RTL10: variants seen among roughly 807,000 people sequenced by gnomAD.
The protein encoded by RTL10 is protein Bop.
For missense variants in RTL10, 477 were observed against 470.7 expected (o/e 1.01, Z -0.12); for synonymous variants, 199 against 188.4 (o/e 1.06, Z -0.46).
chr22:19,847,331 A>G lies in RTL10; in HGVS notation c.*3836T>C. 2.0e-6 allele frequency: 2 copies of G among 985,468 alleles called. No individual in the cohort carries two copies. The highest frequency in any genetic ancestry group is 2.4e-6 in the Non-Finnish European group (2 of 829,926). The allele number at this position is 985,468 out of a possible 1,614,324, so 61.0% of individuals were successfully genotyped here. A position where few individuals can be genotyped will look rare whatever the true frequency, so the allele number is the denominator to read the frequency against. ...TCTGGCTCATGCTGACTGATCCTGC[A>G]GGGTAACAGCTTTATTTGCCTTGCT... On this transcript the variant is annotated 3_prime_UTR_variant, in exon 3 of 3. Coordinates refer to ENST00000328554, the MANE Select transcript of RTL10 (RefSeq NM_024627.6).
Position 19,851,443 on chromosome 22 carries a change from C to T in RTL10, c.819G>A (p.Leu273=). The T allele has an allele frequency of 1.9e-6, 3 of 1,614,052 alleles. No homozygotes were observed. The highest frequency in any genetic ancestry group is 2.5e-6 in the Non-Finnish European group (3 of 1,179,998). The change falls in exon 3 of 3, where the codon CTG becomes CTA. Residue 273 remains leucine (L), a synonymous_variant. Transcript: ENST00000328554. ...GCTTGGAGCTACATGTAGAACTGGG[C>T]AGGACTGGGGGCTCCTTGGGCCCAG... ...STPGPKEPPV[L]PSSTCSSKPG...
rs1004566563 is a variant in RTL10, at chr22:19,850,564, G to C, written c.*603C>G. The C allele has an allele frequency of 1.1e-5, 13 of 1,131,896 alleles. No homozygotes were observed. The African/African-American group carries it at 2.1e-4, about 18-fold the overall frequency. The allele number at this position is 1,131,896 out of a possible 1,614,324, so 70.1% of individuals were successfully genotyped here. Reference sequence around the variant, plus strand: ...TGCATCCAAACCTTCCAGCTGCCCAGAACTGCTGGTAATCCCACAGGAAAC... The same window carrying C: ...TGCATCCAAACCTTCCAGCTGCCCACAACTGCTGGTAATCCCACAGGAAAC... On this transcript the variant is annotated 3_prime_UTR_variant, in exon 3 of 3. Transcript: ENST00000328554.
In RTL10 at chr22:19,848,624, G is replaced by C. The variant is rs984017684; in HGVS notation, c.*2543C>G. On this transcript the variant is annotated 3_prime_UTR_variant, in exon 3 of 3. Coordinates refer to ENST00000328554, the MANE Select transcript of RTL10 (RefSeq NM_024627.6). Reference sequence around the variant, plus strand: ...AGAGCCCAACCACAATAAACAGGACGCGTTTTAATTAAAAACCAGGTCACC... The same window carrying C: ...AGAGCCCAACCACAATAAACAGGACCCGTTTTAATTAAAAACCAGGTCACC... 1 of 985,450 alleles carries C rather than the reference G, an allele frequency of 1.0e-6. No homozygotes were observed. The highest frequency in any genetic ancestry group is 1.2e-6 in the Non-Finnish European group (1 of 829,982). The allele number at this position is 985,450 out of a possible 1,614,324, so 61.0% of individuals were successfully genotyped here.
rs1938016072 is a variant in RTL10 at position 19,848,386 on chromosome 22, CA to C, written c.*2780del. The C allele has an allele frequency of 2.0e-6, 2 of 985,464 alleles. No individual in the cohort carries two copies. Among genetic ancestry groups the C allele is most frequent in the Non-Finnish European group, 2.4e-6 (2 of 829,958 alleles). The allele number at this position is 985,464 out of a possible 1,614,324, so 61.0% of individuals were successfully genotyped here. ...TGGGGGCCAGAAGAGAAAAACAACCCAGGGGGAATGCCTCCTTCCCCCAGCA... is the reference window on the plus strand; with the variant it reads ...TGGGGGCCAGAAGAGAAAAACAACCCGGGGGAATGCCTCCTTCCCCCAGCA... On this transcript the variant is annotated 3_prime_UTR_variant, in exon 3 of 3. Transcript: ENST00000328554.
At position 19,851,081 on chromosome 22, in the gene RTL10, T is replaced by G. The variant is rs566227636; in HGVS notation, c.*86A>C. The stretch of plus-strand genomic sequence containing the variant: ...GTCTGAAGTCATCTGGGGACACCAC[T>G]CTGCTCTGACTGGGGACTATGGGGC... On this transcript the variant is annotated 3_prime_UTR_variant, in exon 3 of 3. Coordinates refer to ENST00000328554, the MANE Select transcript of RTL10 (RefSeq NM_024627.6). 103 of 1,478,752 alleles carry G rather than the reference T, an allele frequency of 7.0e-5. 1 individual carries two copies. The South Asian group carries it at 1.1e-3, about 16-fold the overall frequency. The allele number at this position is 1,478,752 out of a possible 1,614,324, so 91.6% of individuals were successfully genotyped here.
chr22:19,847,262 C>A lies in RTL10; in HGVS notation c.*3905G>T. The A allele has an allele frequency of 1.0e-6, 1 of 985,352 alleles. No individual in the cohort carries two copies. Among genetic ancestry groups the A allele is most frequent in the Non-Finnish European group, 1.2e-6 (1 of 829,826 alleles). 61.0% of individuals were successfully genotyped at this position (985,352 alleles called of 1,614,324 possible). The stretch of plus-strand genomic sequence containing the variant: ...GCAAGCAAGAAATAAGCAGTGCCAA[C>A]TGTAGCCGCTGCGCTGTTGGAGATC... On this transcript the variant is annotated 3_prime_UTR_variant, in exon 3 of 3. Coordinates refer to ENST00000328554, the MANE Select transcript of RTL10 (RefSeq NM_024627.6).
At position 19,850,436 on chromosome 22, in the gene RTL10, G is replaced by A. The variant is rs778265201; in HGVS notation, c.*731C>T. On this transcript the variant is annotated 3_prime_UTR_variant, in exon 3 of 3. Transcript: ENST00000328554. ...ATGGCAGCACAGCAGCAGGGAAGAG[G>A]AGCCTGCTTCAGAACACCAGGCACG... 8 of 994,886 alleles carry A rather than the reference G, an allele frequency of 8.0e-6. No individual in the cohort carries two copies. The highest frequency in any genetic ancestry group is 9.4e-5 in the South Asian group (2 of 21,378). 61.6% of individuals were successfully genotyped at this position (994,886 alleles called of 1,614,324 possible).
Position 19,847,329 on chromosome 22 carries a change from G to A in RTL10, c.*3838C>T. 2 of 985,374 alleles carry A rather than the reference G, an allele frequency of 2.0e-6. No homozygotes were observed. Among genetic ancestry groups the A allele is most frequent in the Non-Finnish European group, 2.4e-6 (2 of 829,876 alleles). 61.0% of individuals were successfully genotyped at this position (985,374 alleles called of 1,614,324 possible). A position where few individuals can be genotyped will look rare whatever the true frequency, so the allele number is the denominator to read the frequency against. On this transcript the variant is annotated 3_prime_UTR_variant, in exon 3 of 3. Transcript: ENST00000328554. ...AATCTGGCTCATGCTGACTGATCCTGCAGGGTAACAGCTTTATTTGCCTTG... is the reference window on the plus strand; with the variant it reads ...AATCTGGCTCATGCTGACTGATCCTACAGGGTAACAGCTTTATTTGCCTTG...
rs1938044298 is a variant in RTL10 at position 19,849,452 on chromosome 22, T to C, written c.*1715A>G. On this transcript the variant is annotated 3_prime_UTR_variant, in exon 3 of 3. Coordinates refer to ENST00000328554, the MANE Select transcript of RTL10 (RefSeq NM_024627.6). The stretch of plus-strand genomic sequence containing the variant: ...GGCGTGATCTCGGCTCACCACACCC[T>C]CTGCCTCCTGGGTTCAAGCAATTCT... The C allele has an allele frequency of 5.9e-6, 2 of 340,864 alleles. No individual in the cohort carries two copies. Among genetic ancestry groups the C allele is most frequent in the East Asian group, 3.4e-4 (2 of 5,964 alleles). The allele number at this position is 340,864 out of a possible 1,614,324, so 21.1% of individuals were successfully genotyped here.
Position 19,850,426 on chromosome 22 carries a change from C to A in RTL10, c.*741G>T. 1 of 993,186 alleles carries A rather than the reference C, an allele frequency of 1.0e-6. No homozygotes were observed. Among genetic ancestry groups the A allele is most frequent in the South Asian group, 4.7e-5 (1 of 21,360 alleles). The allele number at this position is 993,186 out of a possible 1,614,324, so 61.5% of individuals were successfully genotyped here. On this transcript the variant is annotated 3_prime_UTR_variant, in exon 3 of 3. Transcript: ENST00000328554. Reference sequence around the variant, plus strand: ...TGAGCAGGGGATGGCAGCACAGCAGCAGGGAAGAGGAGCCTGCTTCAGAAC... The same window carrying A: ...TGAGCAGGGGATGGCAGCACAGCAGAAGGGAAGAGGAGCCTGCTTCAGAAC...
In RTL10 at chr22:19,853,394, T is replaced by A. The variant is rs1476446324; in HGVS notation, c.-225-908A>T. Among the ~76,000 whole-genome samples the A allele has an allele frequency of 2.0e-5, 3 of 152,212 alleles. No individual in the cohort carries two copies. In the Middle Eastern group the frequency reaches 0.01, roughly 518 times the overall value. On this transcript the variant is annotated intron_variant, in intron 2 of 2. Coordinates refer to ENST00000328554, the MANE Select transcript of RTL10 (RefSeq NM_024627.6). ...GAGCCAGTAGCCAGTTCTATTCCAG[T>A]GCAAGGAGCCCTCCTGTAGGGCTCT...
At position 19,851,094 on chromosome 22, in the gene RTL10, G is replaced by T; in HGVS notation, c.*73C>A. The T allele has an allele frequency of 6.7e-7, 1 of 1,491,166 alleles. No individual in the cohort carries two copies. Among genetic ancestry groups the T allele is most frequent in the East Asian group, 2.4e-5 (1 of 41,176 alleles). The allele number at this position is 1,491,166 out of a possible 1,614,324, so 92.4% of individuals were successfully genotyped here. ...TGGGGACACCACTCTGCTCTGACTGGGGACTATGGGGCGCTCAAGCCACAC... is the reference window on the plus strand; with the variant it reads ...TGGGGACACCACTCTGCTCTGACTGTGGACTATGGGGCGCTCAAGCCACAC... On this transcript the variant is annotated 3_prime_UTR_variant, in exon 3 of 3. Transcript: ENST00000328554.
Position 19,852,311 on chromosome 22 carries a change from G to C in RTL10, c.-50C>G. 6.4e-7 allele frequency: 1 copy of C among 1,559,744 alleles called. No homozygotes were observed. Among genetic ancestry groups the C allele is most frequent in the Non-Finnish European group, 8.7e-7 (1 of 1,149,558 alleles). ...GGAGAGCCAGCACTGGTGGGTGGTG[G>C]GGGTGTGGACAGATGTGGCTTGCAC... On this transcript the variant is annotated 5_prime_UTR_variant, in exon 3 of 3. Transcript: ENST00000328554.
Position 19,848,957 on chromosome 22 carries a change from C to T in RTL10, c.*2210G>A, listed in dbSNP as rs933830650. 1.0e-6 allele frequency: 1 copy of T among 985,578 alleles called. No homozygotes were observed. Among genetic ancestry groups the T allele is most frequent in the African/African-American group, 1.7e-5 (1 of 57,352 alleles). The allele number at this position is 985,578 out of a possible 1,614,324, so 61.1% of individuals were successfully genotyped here. On this transcript the variant is annotated 3_prime_UTR_variant, in exon 3 of 3. Coordinates refer to ENST00000328554, the MANE Select transcript of RTL10 (RefSeq NM_024627.6). ...AGCAACTCTGGGTTCTACTGCCAGA[C>T]CCACAGGTGAGCCAGGCCACAGTGC...
chr22:19,853,574 TCTC>T (rs2145909072), intron 2 of RTL10, among the ~76,000 whole-genome samples: 1 of 151,990 alleles, frequency 6.6e-6, no homozygotes, highest in Admixed American at 6.6e-5. Flanking sequence ...TCATCCCACA[TCTC>T]CTATCTGCTG....
At position 19,846,881 on chromosome 22, in the gene RTL10, C is replaced by A. The variant is rs1937974500; in HGVS notation, c.*4286G>T. The A allele has an allele frequency of 1.0e-6, 1 of 960,970 alleles. No homozygotes were observed. The highest frequency in any genetic ancestry group is 1.2e-6 in the Non-Finnish European group (1 of 807,654). 59.5% of individuals were successfully genotyped at this position (960,970 alleles called of 1,614,324 possible). On this transcript the variant is annotated 3_prime_UTR_variant, in exon 3 of 3. Coordinates refer to ENST00000328554, the MANE Select transcript of RTL10 (RefSeq NM_024627.6). ...AATGTCTGTTGTTTAAGTCCCCTAG[C>A]CTGCGGTCCTTTGTCAGGCAGCCCC...
At position 19,847,866 on chromosome 22, in the gene RTL10, T is replaced by C. The variant is rs945608676; in HGVS notation, c.*3301A>G. 51 of 956,566 alleles carry C rather than the reference T, an allele frequency of 5.3e-5. No homozygotes were observed. Among genetic ancestry groups the C allele is most frequent in the East Asian group, 1.1e-4 (1 of 8,714 alleles). 59.3% of individuals were successfully genotyped at this position (956,566 alleles called of 1,614,324 possible). A position where few individuals can be genotyped will look rare whatever the true frequency, so the allele number is the denominator to read the frequency against. ...CTCTAGTACTTTCATAATTGTAACA[T>C]TGAAATCTTTAATCTGGAATATGTA... On this transcript the variant is annotated 3_prime_UTR_variant, in exon 3 of 3. Transcript: ENST00000328554.
Position 19,849,372 on chromosome 22 carries a change from G to GTTTT in RTL10, c.*1791_*1794dup. The GTTTT allele has an allele frequency of 4.5e-6, 3 of 665,702 alleles. No individual in the cohort carries two copies. Among genetic ancestry groups the GTTTT allele is most frequent in the Non-Finnish European group, 5.5e-6 (3 of 547,386 alleles). 41.2% of individuals were successfully genotyped at this position (665,702 alleles called of 1,614,324 possible). ...CTAAATAAGGTTTTTGTTTTTTGTTGTTTTTTTTTTTTTGGGATGGAGTTT... is the reference window on the plus strand; with the variant it reads ...CTAAATAAGGTTTTTGTTTTTTGTTGTTTTTTTTTTTTTTTTTGGGATGGAGTTT... On this transcript the variant is annotated 3_prime_UTR_variant, in exon 3 of 3. Coordinates refer to ENST00000328554, the MANE Select transcript of RTL10 (RefSeq NM_024627.6).
rs2145904151 is a variant in RTL10, at chr22:19,849,210, C to T, written c.*1957G>A. On this transcript the variant is annotated 3_prime_UTR_variant, in exon 3 of 3. Coordinates refer to ENST00000328554, the MANE Select transcript of RTL10 (RefSeq NM_024627.6). The stretch of plus-strand genomic sequence containing the variant: ...TACCTGCTTTCTAAAAATAGCTTCC[C>T]ACCTATTTCCAAGGTTTCCAGTTGT... 1.0e-6 allele frequency: 1 copy of T among 985,364 alleles called. No homozygotes were observed. Among genetic ancestry groups the T allele is most frequent in the East Asian group, 1.1e-4 (1 of 8,818 alleles). 61.0% of individuals were successfully genotyped at this position (985,364 alleles called of 1,614,324 possible).
Sources: allele counts gnomAD v4.1 joint callset (sites outside exome capture counted in the v4.1 genomes callset), GRCh38; gene constraint gnomAD v4.1.1; transcripts MANE v1.5; gene names NCBI Gene and HGNC (gene_info 2026-07-23, HGNC 2026-07-21).